FAR2: variants seen among roughly 807,000 people sequenced by gnomAD.
FAR2 encodes fatty acyl-CoA reductase 2.
FAR2 carries 19 observed loss-of-function variants against 56.0 expected under a neutral mutation model. The ratio of observed to expected loss-of-function variants is 0.34; its 90% CI spans 0.24 to 0.50. FAR2 has a LOEUF of 0.50. FAR2 is among the 20% of genes least tolerant of loss of function. The pLI is 0.98. For missense variants in FAR2, 508 were observed against 642.2 expected (o/e 0.79, Z 2.26); for synonymous variants, 219 against 218.8 (o/e 1.00, Z -0.01).
chr12:29,200,637 A>G (rs901311341), intron 1 of FAR2, among the ~76,000 whole-genome samples: 1 of 152,216 alleles, frequency 6.6e-6, no homozygotes, highest in Non-Finnish European at 1.5e-5. Context: ...AACTTTGGTA[A>G]TAGATCTGGC....
At chr12:29,265,160 G>A (rs934864320) in intron 1 of FAR2, among the ~76,000 whole-genome samples, 1 of 152,092 alleles carries the variant, frequency 6.6e-6, no homozygotes, top group Admixed American at 6.6e-5. Context: ...ATTTCTCACA[G>A]AAATAGAAAA....
chr12:29,244,316 A>T (rs1179631288), intron 1 of FAR2, among the ~76,000 whole-genome samples: 1 of 152,224 alleles, frequency 6.6e-6, no homozygotes, highest in Non-Finnish European at 1.5e-5. Context: ...AAGAAAGGTG[A>T]CATGGTGACA....
chr12:29,236,886 G>C (rs1947951783), intron 1 of FAR2, among the ~76,000 whole-genome samples: 1 of 151,976 alleles, frequency 6.6e-6, no homozygotes, highest in Non-Finnish European at 1.5e-5. Flanking sequence ...CCACTAAAGT[G>C]AAGCTGTGTT....
At chr12:29,285,208 T>TG (rs80195190) in intron 2 of FAR2, among the ~76,000 whole-genome samples, 1 of 151,952 alleles carries the variant, frequency 6.6e-6, no homozygotes, top group Non-Finnish European at 1.5e-5. Flanking sequence ...TGTTCATGCT[T>TG]CGCTGTATAA....
chr12:29,167,982 A>T (rs568608648), intron 1 of FAR2, among the ~76,000 whole-genome samples: 45 of 152,334 alleles, frequency 3.0e-4, no homozygotes, highest in African/African-American at 1.1e-3. Context: ...TCTTGGAGAG[A>T]TGGTGCTTCC....
intron 1 of FAR2, among the ~76,000 whole-genome samples, chr12:29,259,596 T>C (rs1042711117): frequency 6.6e-6 from 1 of 152,186 alleles, no homozygotes; most frequent in Non-Finnish European, 1.5e-5. Context: ...TTTTAACATT[T>C]GTTCTCTAGG....
chr12:29,268,280 C>T (rs1192537861), intron 1 of FAR2, among the ~76,000 whole-genome samples: 2 of 152,142 alleles, frequency 1.3e-5, no homozygotes, highest in East Asian at 1.9e-4. Flanking sequence ...CAGTTGAGGC[C>T]TTTCTACAGT....
At chr12:29,268,562 C>T (rs1478071784) in intron 1 of FAR2, among the ~76,000 whole-genome samples, 2 of 152,214 alleles carry the variant, frequency 1.3e-5, no homozygotes, top group African/African-American at 4.8e-5. Context: ...AACCTGTGGT[C>T]GGTGGCCTCC....
intron 10 of FAR2, among the ~76,000 whole-genome samples, chr12:29,326,543 G>C (rs559520927): frequency 6.6e-6 from 1 of 152,272 alleles, no homozygotes; most frequent in African/African-American, 2.4e-5. Flanking sequence ...ACATCAAAAA[G>C]CTTATCCACC....
At chr12:29,150,529 C>A (rs1220556259) in intron 1 of FAR2, among the ~76,000 whole-genome samples, 1 of 152,152 alleles carries the variant, frequency 6.6e-6, no homozygotes, top group African/African-American at 2.4e-5. Context: ...TCTGTATATT[C>A]CCATTTATAA....
intron 1 of FAR2, among the ~76,000 whole-genome samples, chr12:29,182,188 G>T (rs1382549621): frequency 1.3e-5 from 2 of 152,194 alleles, no homozygotes; most frequent in African/African-American, 2.4e-5. Context: ...CCTTAAAGGT[G>T]GTGTAGACCC....
chr12:29,169,801 G>A (rs1949868154), intron 1 of FAR2, among the ~76,000 whole-genome samples: 1 of 152,168 alleles, frequency 6.6e-6, no homozygotes, highest in Non-Finnish European at 1.5e-5. Flanking sequence ...TGTAGTAGTA[G>A]GATAATGTAG....
At chr12:29,261,653 G>T (rs1948420628) in intron 1 of FAR2, among the ~76,000 whole-genome samples, 1 of 152,110 alleles carries the variant, frequency 6.6e-6, no homozygotes, top group Non-Finnish European at 1.5e-5. Flanking sequence ...CAAAGATAAA[G>T]GATCCTAAAA....
At chr12:29,150,367 C>T (rs756757178) in intron 1 of FAR2, among the ~76,000 whole-genome samples, 4 of 152,172 alleles carry the variant, frequency 2.6e-5, no homozygotes, top group Admixed American at 6.5e-5. Context: ...ACGTAAAGTG[C>T]CCCCATTATG....
At chr12:29,265,157 A>G (rs1948492841) in intron 1 of FAR2, among the ~76,000 whole-genome samples, 1 of 152,212 alleles carries the variant, frequency 6.6e-6, no homozygotes, top group Non-Finnish European at 1.5e-5. Context: ...GACATTTCTC[A>G]CAGAAATAGA....
chr12:29,209,353 A>G (rs1325355096), intron 1 of FAR2, among the ~76,000 whole-genome samples: 1 of 152,180 alleles, frequency 6.6e-6, no homozygotes, highest in Non-Finnish European at 1.5e-5. Flanking sequence ...CATCAGGTCA[A>G]TCGTCAATGT....
At chr12:29,249,642 T>A (rs1418288160) in intron 1 of FAR2, among the ~76,000 whole-genome samples, 2 of 152,236 alleles carry the variant, frequency 1.3e-5, no homozygotes, top group Admixed American at 1.3e-4. Context: ...AAACTTAGAC[T>A]TAGAATGTGG....
chr12:29,303,116 G>C (rs1473596182), intron 4 of FAR2, among the ~76,000 whole-genome samples: 1 of 152,150 alleles, frequency 6.6e-6, no homozygotes, highest in Non-Finnish European at 1.5e-5. Flanking sequence ...TTATGGAGTG[G>C]ACTTCTTTTA....
intron 1 of FAR2, among the ~76,000 whole-genome samples, chr12:29,162,798 C>T (rs1236125474): frequency 6.6e-6 from 1 of 152,182 alleles, no homozygotes; most frequent in Non-Finnish European, 1.5e-5. Context: ...TCCCCCAACT[C>T]TCATCAAGGT....
Sources: gnomAD v4.1 joint callset for allele counts (sites outside exome capture counted in the v4.1 genomes callset) on GRCh38, gnomAD v4.1.1 for gene constraint, MANE v1.5 for transcripts, NCBI Gene and HGNC (gene_info 2026-07-23, HGNC 2026-07-21) for gene names.